The following BCAP29 variants were observed in gnomAD, a reference collection of about 807,000 sequenced individuals.
The protein encoded by BCAP29 is B cell receptor associated protein 29, also known as B-cell receptor-associated protein 29.
BCAP29 carries 34 observed loss-of-function variants against 31.8 expected under a neutral mutation model. The observed-to-expected ratio is 1.07, with a 90% CI of 0.81 to 1.42. The LOEUF (loss-of-function observed/expected upper bound fraction) is 1.42. Ranked by LOEUF, BCAP29 falls within the 40% of genes most tolerant of loss-of-function variation. The pLI is 0.00. For missense variants in BCAP29, 314 were observed against 269.2 expected, an observed-to-expected ratio of 1.17 and a Z score of -1.16; for synonymous variants, 104 against 91.3, an observed-to-expected ratio of 1.14 and a Z score of -0.79.
At position 107,618,864 on chromosome 7, in the gene BCAP29, C is replaced by T. The variant is rs1352232016; in HGVS notation, c.*501C>T. ...ATCCACTGTATTTATAAGGAAGAGT[C>T]GGAAAAAACAATGACCTTAGTTTTT... is the stretch of plus-strand genomic sequence containing the variant. On this transcript the variant is annotated 3_prime_UTR_variant, in exon 8 of 8. Coordinates refer to ENST00000005259, the MANE Select transcript of BCAP29 (RefSeq NM_018844.4). The T allele has an allele frequency of 8.6e-6, 2 of 231,572 alleles. No homozygotes were observed. The highest frequency in any genetic ancestry group is 1.4e-3 in the Middle Eastern group (1 of 720). The allele number at this position is 231,572 out of a possible 1,614,324, so 14.3% of individuals were successfully genotyped here. A position where few individuals can be genotyped will look rare whatever the true frequency, so the allele number is the denominator to read the frequency against.
At chr7:107,587,504 T>C (rs1419470421) in intron 3 of BCAP29, 1 of 152,206 alleles carries the variant, frequency 6.6e-6, no homozygotes, top group African/African-American at 2.4e-5. Flanking sequence ...GTACTCACTA[T>C]TTGCCTATTT....
chr7:107,610,326 G>A (rs189377426), intron 6 of BCAP29, among the ~76,000 whole-genome samples: 2 of 152,166 alleles, frequency 1.3e-5, no homozygotes, highest in South Asian at 2.1e-4. Flanking sequence ...TAAGAAAATT[G>A]CAGTAGCAAC....
chr7:107,621,422 A>T (rs1814961597), downstream of BCAP29: 1 of 212,250 alleles, frequency 4.7e-6, no homozygotes, highest in African/African-American at 2.3e-5. Flanking sequence ...CAACTTTATT[A>T]CTTGCACCAG....
rs950845002 is a variant in BCAP29 at position 107,619,096 on chromosome 7, A to G, written c.*733A>G. ...ACTGCTATACCACTGAACTGAATTT[A>G]TTTTACAACAGTGTAGAATTCTTGA... On this transcript the variant is annotated 3_prime_UTR_variant, in exon 8 of 8. Transcript: ENST00000005259. 10 of 152,534 alleles carry G rather than the reference A, an allele frequency of 6.6e-5. No homozygotes were observed. The highest frequency in any genetic ancestry group is 2.2e-4 in the African/African-American group (9 of 41,454). The allele number at this position is 152,534 out of a possible 1,614,324, so 9.4% of individuals were successfully genotyped here. A position where few individuals can be genotyped will look rare whatever the true frequency, so the allele number is the denominator to read the frequency against.
intron 3 of BCAP29, among the ~76,000 whole-genome samples, chr7:107,592,303 T>G (rs1434316907): frequency 6.6e-6 from 1 of 152,176 alleles, no homozygotes; most frequent in African/African-American, 2.4e-5. Flanking sequence ...TTTCCAAAGA[T>G]GATATACAAA....
chr7:107,596,090 A>T, intron 5 of BCAP29, 88 bp downstream of exon 5: 2 of 1,172,176 alleles, frequency 1.7e-6, no homozygotes, highest in East Asian at 2.6e-5. Context: ...GAGCATTTTT[A>T]TATTTTATAA....
intron 3 of BCAP29, among the ~76,000 whole-genome samples, chr7:107,593,561 G>A (rs971222955): frequency 1.3e-5 from 2 of 152,192 alleles, no homozygotes; most frequent in Non-Finnish European, 2.9e-5. Flanking sequence ...TGTAGTAAGA[G>A]AAATGGGATA....
At position 107,612,960 on chromosome 7, in the gene BCAP29, A is replaced by C. The variant is rs182449823; in HGVS notation, c.590-372A>C. On this transcript the variant is annotated intron_variant, in intron 6 of 7. Transcript: ENST00000005259. ...GGACTAGCAGTGGAGAAAATGCTTAAAGGACATGATTAAGACAGTTCCAAA... is the reference window on the plus strand; with the variant it reads ...GGACTAGCAGTGGAGAAAATGCTTACAGGACATGATTAAGACAGTTCCAAA... Among the ~76,000 whole-genome samples, 225 of 152,278 alleles carry C rather than the reference A, an allele frequency of 1.5e-3. 2 individuals are homozygous for C. Among genetic ancestry groups the C allele is most frequent in the African/African-American group, 5.2e-3 (217 of 41,576 alleles).
chr7:107,583,768 T>A (rs1372602748), intron 2 of BCAP29, 114 bp from the exon 3 acceptor site: 5 of 481,610 alleles, frequency 1.0e-5, no homozygotes, highest in South Asian at 4.9e-5. Flanking sequence ...AAAATTAAAT[T>A]TCTGTAATTT....
At chr7:107,616,926 A>G (rs1214828369) in intron 7 of BCAP29, among the ~76,000 whole-genome samples, 2 of 152,108 alleles carry the variant, frequency 1.3e-5, no homozygotes, top group African/African-American at 2.4e-5. Flanking sequence ...TTTAGTAGAG[A>G]CAGGGTTTCA....
chr7:107,596,018 T>C lies in BCAP29; in HGVS notation c.480+16T>C, dbSNP rs376551586. 474 of 1,552,958 alleles carry C rather than the reference T, an allele frequency of 3.1e-4. No homozygotes were observed. The highest frequency in any genetic ancestry group is 3.7e-4 in the Non-Finnish European group (431 of 1,155,884). On this transcript the variant is annotated intron_variant, in intron 5 of 7. Transcript: ENST00000005259. ...ACTAAAAAGGGTATTTAATTTTCTTTGTAAAAATTAAATGTTGTTGGTGTT... is the reference window on the plus strand; with the variant it reads ...ACTAAAAAGGGTATTTAATTTTCTTCGTAAAAATTAAATGTTGTTGGTGTT...
chr7:107,593,950 A>G lies in BCAP29; in HGVS notation c.194-5A>G. The G allele has an allele frequency of 6.2e-7, 1 of 1,602,154 alleles. No homozygotes were observed. Among genetic ancestry groups the G allele is most frequent in the South Asian group, 1.1e-5 (1 of 88,700 alleles). On this transcript the variant is annotated splice_polypyrimidine_tract_variant and splice_region_variant and intron_variant, in intron 3 of 7. Transcript: ENST00000005259. Reference sequence around the variant, plus strand: ...AAAGTACTGTTTTCTTTTGTTCTGTAATAGATGCTGTGAGAGAAGTAAGGA... The same window carrying G: ...AAAGTACTGTTTTCTTTTGTTCTGTGATAGATGCTGTGAGAGAAGTAAGGA...
intron 6 of BCAP29, among the ~76,000 whole-genome samples, chr7:107,607,354 A>C (rs977692942): frequency 1.3e-5 from 2 of 152,068 alleles, no homozygotes; most frequent in Admixed American, 1.3e-4. Context: ...CCAGGTTTCT[A>C]AATGCAGTGT....
At chr7:107,617,214 T>C (rs1814346739) in intron 7 of BCAP29, among the ~76,000 whole-genome samples, 2 of 152,224 alleles carry the variant, frequency 1.3e-5, no homozygotes, top group South Asian at 4.1e-4. Context: ...TCTTTGGAAC[T>C]AGCTTCCTGA....
chr7:107,589,846 CTT>C (rs1808395592), intron 3 of BCAP29, among the ~76,000 whole-genome samples: 1 of 152,138 alleles, frequency 6.6e-6, no homozygotes, highest in African/African-American at 2.4e-5. Flanking sequence ...TAGAGACAGA[CTT>C]TCGCTTTGTT....
At chr7:107,588,838 C>T (rs1163063050) in intron 3 of BCAP29, among the ~76,000 whole-genome samples, 1 of 152,168 alleles carries the variant, frequency 6.6e-6, no homozygotes, top group Admixed American at 6.5e-5. Flanking sequence ...TTGGTTGACT[C>T]TTCAACCATG....
downstream of BCAP29, chr7:107,621,268 G>A (rs574294788): frequency 3.6e-5 from 7 of 193,976 alleles, no homozygotes; most frequent in South Asian, 7.3e-4. Context: ...TAGAGTCCAT[G>A]GAACCCTCCT....
rs751097308 is a variant in BCAP29 at position 107,590,820 on chromosome 7, GAAAA to G, written c.194-3122_194-3119del. Among the ~76,000 whole-genome samples, 1,175 of 142,312 alleles carry G rather than the reference GAAAA, an allele frequency of 8.3e-3. 18 individuals carry two copies. Among genetic ancestry groups the G allele is most frequent in the African/African-American group, 0.025 (973 of 39,640 alleles). The allele number at this position is 142,312 out of a possible 152,430, so 93.4% of individuals were successfully genotyped here. On this transcript the variant is annotated intron_variant, in intron 3 of 7. Transcript: ENST00000005259. ...GGTGACAAAGCGAGACCCTGTCTCA[GAAAA>G]AAAAAAAAAAAAGAAAGAAAGAAAG...
chr7:107,588,976 G>C (rs1199097970), intron 3 of BCAP29, among the ~76,000 whole-genome samples: 1 of 152,302 alleles, frequency 6.6e-6, no homozygotes, highest in African/African-American at 2.4e-5. Context: ...GCCTCATCAC[G>C]TTAGAGGGGC....
Sources: allele counts gnomAD v4.1 joint callset (sites outside exome capture counted in the v4.1 genomes callset), GRCh38; gene constraint gnomAD v4.1.1; transcripts MANE v1.5; gene names NCBI Gene and HGNC (gene_info 2026-07-23, HGNC 2026-07-21).